Variants in EPS15 observed in about 807,000 individuals in gnomAD.
The protein encoded by EPS15 is epidermal growth factor receptor pathway substrate 15, also known as epidermal growth factor receptor substrate 15.
Under a neutral mutation model 113.8 loss-of-function variants are expected in EPS15, and 72 were observed. That is an observed-to-expected ratio of 0.63 (90% CI 0.52 to 0.77). The LOEUF is 0.77. Ranked by LOEUF, EPS15 falls within the 30% of genes least tolerant of loss-of-function variation. EPS15 has a pLI of 0.00. For missense variants in EPS15, 1,048 were observed against 1,045.8 expected (o/e 1.00, Z -0.03); for synonymous variants, 344 against 363.4 (o/e 0.95, Z 0.61).
chr1:51,408,027 G>T, intron 15 of EPS15, 108 bp downstream of exon 15: 1 of 919,048 alleles, frequency 1.1e-6, no homozygotes, highest in South Asian at 1.4e-5. Context: ...ACTGAAAAAT[G>T]AACAGTAAAC....
intron 1 of EPS15, among the ~76,000 whole-genome samples, chr1:51,507,838 A>G (rs1644524199): frequency 6.6e-6 from 1 of 152,120 alleles, no homozygotes; most frequent in Admixed American, 6.6e-5. Flanking sequence ...ACTTTTCGAC[A>G]TGCATGTTCC....
At position 51,361,327 on chromosome 1, in the gene EPS15, A is replaced by G. The variant is rs1261151015; in HGVS notation, c.2388T>C (p.Ser796=). The change falls in exon 24 of 25, where the codon TCT becomes TCC. Residue 796 remains serine, a synonymous_variant. Transcript: ENST00000371733. ...GATCATTCAGTTTAAAGGGATCAGGAGAATCCAATTTGTTGATGGATCTTT... is the reference window on the plus strand; with the variant it reads ...GATCATTCAGTTTAAAGGGATCAGGGGAATCCAATTTGTTGATGGATCTTT... ...PGKRSINKLD[S]PDPFKLNDPF... 1.2e-6 allele frequency: 2 copies of G among 1,612,154 alleles called. No individual in the cohort carries two copies. The highest frequency in any genetic ancestry group is 4.5e-5 in the East Asian group (2 of 44,862).
chr1:51,401,501 T>C (rs549774202), intron 18 of EPS15, among the ~76,000 whole-genome samples: 1 of 152,288 alleles, frequency 6.6e-6, no homozygotes, highest in African/African-American at 2.4e-5. Flanking sequence ...GATCTAACTG[T>C]AACAGCAAAA....
At chr1:51,377,238 T>A (rs12130317) in intron 21 of EPS15, among the ~76,000 whole-genome samples, 2 of 152,124 alleles carry the variant, frequency 1.3e-5, no homozygotes, top group Non-Finnish European at 2.9e-5. Flanking sequence ...CACTCCAGCC[T>A]GGGCAACAAG....
intron 15 of EPS15, among the ~76,000 whole-genome samples, chr1:51,407,511 T>C (rs1432665140): frequency 3.3e-5 from 5 of 152,228 alleles, no homozygotes; most frequent in Non-Finnish European, 7.3e-5. Context: ...CTAACTATCT[T>C]ATCATTCATT....
At position 51,415,796 on chromosome 1, in the gene EPS15, CAAAAAAAAAAAAAA is replaced by C. The variant is rs55806131; in HGVS notation, c.1113+5976_1113+5989del. ...GGGCAACAAGAGCAAAACTCCGTCT[CAAAAAAAAAAAAAA>C]AAAAAAAAAAAAAAAAAAAAATTCC... On this transcript the variant is annotated intron_variant, in intron 13 of 24. Transcript: ENST00000371733. 5.5e-4 allele frequency among the ~76,000 whole-genome samples: 12 copies of C among 21,966 alleles called. 1 individual carries two copies. Among genetic ancestry groups the C allele is most frequent in the Admixed American group, 1.8e-3 (2 of 1,142 alleles). 14.4% of individuals were successfully genotyped at this position (21,966 alleles called of 152,430 possible).
intron 3 of EPS15, among the ~76,000 whole-genome samples, chr1:51,472,500 T>C (rs1453384840): frequency 1.3e-5 from 2 of 152,184 alleles, no homozygotes; most frequent in Non-Finnish European, 2.9e-5. Flanking sequence ...TCCCCCAGTC[T>C]ATTTACCACA....
intron 10 of EPS15, among the ~76,000 whole-genome samples, chr1:51,445,545 A>G (rs1652967812): frequency 6.6e-6 from 1 of 152,170 alleles, no homozygotes; most frequent in Non-Finnish European, 1.5e-5. Flanking sequence ...CTGCAAATGG[A>G]AATCACATGT....
intron 12 of EPS15, among the ~76,000 whole-genome samples, chr1:51,430,002 G>A (rs942925439): frequency 4.6e-5 from 7 of 152,120 alleles, no homozygotes; most frequent in African/African-American, 1.2e-4. Flanking sequence ...AGGTTTCTGA[G>A]ACATGCTTCT....
At position 51,463,910 on chromosome 1, in the gene EPS15, TAAA is replaced by T. The variant is rs1363764611; in HGVS notation, c.376-115_376-113del. On this transcript the variant is annotated intron_variant, in intron 6 of 24. Coordinates refer to ENST00000371733, the MANE Select transcript of EPS15 (RefSeq NM_001981.3). ...CTACATATGTTTTTAAACTATCATT[TAAA>T]AAACATTTTTCACTTTCATCAAAAT... 4 of 520,436 alleles carry T rather than the reference TAAA, an allele frequency of 7.7e-6. No individual in the cohort carries two copies. In the Admixed American group the frequency reaches 1.3e-4, roughly 17 times the overall value. 32.2% of individuals were successfully genotyped at this position (520,436 alleles called of 1,614,324 possible). A position where few individuals can be genotyped will look rare whatever the true frequency, so the allele number is the denominator to read the frequency against.
At chr1:51,497,544 A>G (rs1259092122) in intron 1 of EPS15, among the ~76,000 whole-genome samples, 1 of 152,238 alleles carries the variant, frequency 6.6e-6, no homozygotes, top group Non-Finnish European at 1.5e-5. Context: ...CTCATTAATC[A>G]GCCAAGCAAG....
chr1:51,451,974 T>C (rs1653607976), intron 8 of EPS15, among the ~76,000 whole-genome samples: 1 of 151,980 alleles, frequency 6.6e-6, no homozygotes, highest in African/African-American at 2.4e-5. Flanking sequence ...CTCCGTCTCC[T>C]GGGCTCAAGC....
intron 5 of EPS15, among the ~76,000 whole-genome samples, chr1:51,465,656 C>G (rs1201174246): frequency 6.6e-6 from 1 of 152,034 alleles, no homozygotes; most frequent in Non-Finnish European, 1.5e-5. Flanking sequence ...GCCTCAGCCT[C>G]CGAGTAGCTG....
At chr1:51,493,254 G>A (rs1255488109) in intron 1 of EPS15, among the ~76,000 whole-genome samples, 5 of 148,356 alleles carry the variant, frequency 3.4e-5, no homozygotes, top group Admixed American at 6.7e-5. Context: ...CCAGCTACTC[G>A]GGAGGCTGAG....
At chr1:51,459,615 A>G (rs1007866129) in intron 8 of EPS15, among the ~76,000 whole-genome samples, 11 of 152,168 alleles carry the variant, frequency 7.2e-5, no homozygotes, top group Non-Finnish European at 1.6e-4. Flanking sequence ...GCAGGTCATA[A>G]ACTTGGCAAC....
chr1:51,409,228 G>A (rs935978027), intron 14 of EPS15, among the ~76,000 whole-genome samples: 1 of 152,120 alleles, frequency 6.6e-6, no homozygotes, highest in Non-Finnish European at 1.5e-5. Context: ...AGCCAATTAT[G>A]ATGTTTTTTG....
intron 12 of EPS15, 62 bp downstream of exon 12, chr1:51,440,285 G>GAC (rs1652487438): frequency 3.6e-6 from 2 of 559,212 alleles, no homozygotes; most frequent in African/African-American, 4.8e-5. Flanking sequence ...TACTGTGTGT[G>GAC]TGTGTGTGTG....
intron 12 of EPS15, among the ~76,000 whole-genome samples, chr1:51,438,861 T>G (rs946037021): frequency 1.3e-5 from 2 of 152,138 alleles, no homozygotes; most frequent in African/African-American, 4.8e-5. Flanking sequence ...TGTGTGACTT[T>G]GGATTTGATT....
chr1:51,448,567 C>T (rs1228356255), intron 8 of EPS15, among the ~76,000 whole-genome samples: 1 of 152,032 alleles, frequency 6.6e-6, no homozygotes, highest in Non-Finnish European at 1.5e-5. Context: ...CATTCTTTAA[C>T]ATAAAAAAAA....
Sources: allele counts gnomAD v4.1 joint callset (sites outside exome capture counted in the v4.1 genomes callset), GRCh38; gene constraint gnomAD v4.1.1; transcripts MANE v1.5; gene names NCBI Gene and HGNC (gene_info 2026-07-23, HGNC 2026-07-21).